RETREG1: variants seen among roughly 807,000 people sequenced by gnomAD.
RETREG1 encodes reticulophagy regulator 1, also known as family with sequence similarity 134 member B.
RETREG1 carries 44 observed loss-of-function variants against 54.8 expected under a neutral mutation model. The ratio of observed to expected loss-of-function variants is 0.80; its 90% CI spans 0.63 to 1.03. RETREG1 has a LOEUF of 1.03. Among genes scored for constraint, RETREG1 ranks in the 50% least tolerant of loss-of-function variants. The probability of loss-of-function intolerance (pLI) is 0.00; values close to 1 mark genes in which losing one functional copy is unlikely to be tolerated. For synonymous variants in RETREG1, 217 were observed against 238.5 expected (o/e 0.91, Z 0.83); for missense variants, 554 against 605.1 (o/e 0.92, Z 0.89).
At chr5:16,573,114 G>A (rs534806091) in intron 1 of RETREG1, among the ~76,000 whole-genome samples, 33 of 148,570 alleles carry the variant, frequency 2.2e-4, no homozygotes, top group Admixed American at 5.4e-4. Context: ...CCTGGGAGGC[G>A]GAGGTTGCAG....
intron 1 of RETREG1, among the ~76,000 whole-genome samples, chr5:16,584,984 C>T (rs248915): frequency 0.74 from 103,743 of 140,016 alleles, 35,849 homozygotes; most frequent in Middle Eastern, 0.82. Flanking sequence ...TTTTTTTTTT[C>T]CCTAGGGAAG....
In RETREG1 at chr5:16,477,605, GT is replaced by G. The variant is rs1738590105; in HGVS notation, c.1000+56del. ...TTTACCCATTCAGTATTTGACAGAA[GT>G]TCAATAGTTTTGTATGCACTCATAA... is the stretch of plus-strand genomic sequence containing the variant. On this transcript the variant is annotated intron_variant, in intron 8 of 8. Transcript: ENST00000306320. 2.0e-6 allele frequency: 3 copies of G among 1,522,532 alleles called. No homozygotes were observed. The Admixed American group carries it at 5.0e-5, about 25-fold the overall frequency. 94.3% of individuals were successfully genotyped at this position (1,522,532 alleles called of 1,614,324 possible). A position where few individuals can be genotyped will look rare whatever the true frequency, so the allele number is the denominator to read the frequency against.
chr5:16,475,369 G>A, intron 8 of RETREG1, 135 bp from the exon 9 acceptor site: 3 of 943,228 alleles, frequency 3.2e-6, no homozygotes, highest in Non-Finnish European at 4.9e-6. Context: ...GGGTCAACTT[G>A]AATCAATTTA....
At chr5:16,486,198 G>A (rs560759957) in intron 3 of RETREG1, among the ~76,000 whole-genome samples, 1 of 152,148 alleles carries the variant, frequency 6.6e-6, no homozygotes, top group African/African-American at 2.4e-5. Flanking sequence ...TTTGTAAAGA[G>A]TAATAAGTGT....
At chr5:16,598,520 G>A (rs1487317057) in intron 1 of RETREG1, among the ~76,000 whole-genome samples, 4 of 152,186 alleles carry the variant, frequency 2.6e-5, no homozygotes, top group Admixed American at 6.5e-5. Context: ...CTCTGCTTAC[G>A]TTGATTCACC....
At chr5:16,516,274 TTCTC>T (rs1740353280) in intron 3 of RETREG1, among the ~76,000 whole-genome samples, 1 of 152,194 alleles carries the variant, frequency 6.6e-6, no homozygotes, top group Admixed American at 6.5e-5. Flanking sequence ...TCAAGTCAGC[TTCTC>T]TCTGAGTAGG....
chr5:16,485,614 AAATTGT>A (rs1186847924), intron 3 of RETREG1, among the ~76,000 whole-genome samples: 2 of 152,218 alleles, frequency 1.3e-5, no homozygotes, highest in East Asian at 3.8e-4. Context: ...AAATGTCCCC[AAATTGT>A]AAAAGAGCCT....
intron 3 of RETREG1, among the ~76,000 whole-genome samples, chr5:16,531,050 C>T (rs920164738): frequency 1.2e-4 from 19 of 152,172 alleles, no homozygotes; most frequent in African/African-American, 4.3e-4. Flanking sequence ...ATCTCCTATT[C>T]ATTCATTTTA....
chr5:16,474,731 G>C lies in RETREG1; in HGVS notation c.*10C>G. 6.3e-7 allele frequency: 1 copy of C among 1,597,180 alleles called. No homozygotes were observed. The highest frequency in any genetic ancestry group is 8.5e-7 in the Non-Finnish European group (1 of 1,174,896). Reference sequence around the variant, plus strand: ...TGTTTTTTGTGCTCTGTTGCAAGCTGATTCCTAGATTAATGGCCTCCCAGC... The same window carrying C: ...TGTTTTTTGTGCTCTGTTGCAAGCTCATTCCTAGATTAATGGCCTCCCAGC... On this transcript the variant is annotated 3_prime_UTR_variant, in exon 9 of 9. Coordinates refer to ENST00000306320, the MANE Select transcript of RETREG1 (RefSeq NM_001034850.3).
intron 3 of RETREG1, among the ~76,000 whole-genome samples, chr5:16,514,089 T>A (rs563968529): frequency 6.6e-6 from 1 of 152,250 alleles, no homozygotes; most frequent in Non-Finnish European, 1.5e-5. Context: ...ATTATTTATA[T>A]ACTGCTATTA....
At chr5:16,564,626 A>G (rs1281053152) in intron 3 of RETREG1, among the ~76,000 whole-genome samples, 1 of 152,224 alleles carries the variant, frequency 6.6e-6, no homozygotes, top group Admixed American at 6.5e-5. Flanking sequence ...ACCAGAGCCT[A>G]TGCCAGCTCT....
chr5:16,522,573 G>A (rs941702592), intron 3 of RETREG1, among the ~76,000 whole-genome samples: 3 of 152,154 alleles, frequency 2.0e-5, no homozygotes, highest in Non-Finnish European at 4.4e-5. Context: ...AAGAGAAACT[G>A]GATCCAGTAA....
intron 8 of RETREG1, among the ~76,000 whole-genome samples, chr5:16,476,632 C>T (rs1051216017): frequency 3.3e-5 from 5 of 152,062 alleles, no homozygotes; most frequent in South Asian, 2.1e-4. Context: ...CCATTATCCT[C>T]GGCAAACTAA....
chr5:16,599,108 T>G (rs1344659101), intron 1 of RETREG1, among the ~76,000 whole-genome samples: 2 of 152,168 alleles, frequency 1.3e-5, no homozygotes, highest in Non-Finnish European at 2.9e-5. Context: ...CTCAGGAGGC[T>G]GATGGGCGAG....
intron 3 of RETREG1, among the ~76,000 whole-genome samples, chr5:16,492,162 C>G (rs1045108690): frequency 6.6e-6 from 1 of 151,650 alleles, no homozygotes. Flanking sequence ...TGTAGGGCAA[C>G]TGCACCCCGC....
chr5:16,515,607 G>C (rs16868716), intron 3 of RETREG1, among the ~76,000 whole-genome samples: 1 of 152,036 alleles, frequency 6.6e-6, no homozygotes, highest in Non-Finnish European at 1.5e-5. Context: ...TGCAGTTAAG[G>C]ATCAGGAAGT....
At chr5:16,590,569 A>T (rs1223785995) in intron 1 of RETREG1, among the ~76,000 whole-genome samples, 1 of 152,242 alleles carries the variant, frequency 6.6e-6, no homozygotes, top group Non-Finnish European at 1.5e-5. Context: ...CCCTAGCCTA[A>T]GTGAAACTCG....
At chr5:16,589,632 T>A (rs1289534630) in intron 1 of RETREG1, among the ~76,000 whole-genome samples, 1 of 152,174 alleles carries the variant, frequency 6.6e-6, no homozygotes, top group Non-Finnish European at 1.5e-5. Context: ...TCCCAAAGTG[T>A]TGGGATTACA....
At chr5:16,577,982 C>T (rs1053612575) in intron 1 of RETREG1, among the ~76,000 whole-genome samples, 40 of 152,174 alleles carry the variant, frequency 2.6e-4, no homozygotes, top group African/African-American at 8.9e-4. Context: ...TCTTTATCAG[C>T]AGCGTGAAAA....
Sources: gnomAD v4.1 joint callset for allele counts (sites outside exome capture counted in the v4.1 genomes callset) on GRCh38, gnomAD v4.1.1 for gene constraint, MANE v1.5 for transcripts, NCBI Gene and HGNC (gene_info 2026-07-23, HGNC 2026-07-21) for gene names.